COL23A1: variants seen among roughly 807,000 people sequenced by gnomAD.
COL23A1 encodes the protein collagen type XXIII alpha 1 chain.
COL23A1 carries 97 observed loss-of-function variants against 99.3 expected under a neutral mutation model. The ratio of observed to expected loss-of-function variants is 0.98; its 90% confidence interval spans 0.83 to 1.16. The LOEUF is 1.16. Among genes scored for constraint, COL23A1 ranks in the 50% most tolerant of loss-of-function variants. COL23A1 has a pLI of 0.00. For synonymous variants in COL23A1, 320 were observed against 308.2 expected, an observed-to-expected ratio of 1.04 and a Z score of -0.40; for missense variants, 762 against 757.4, an observed-to-expected ratio of 1.01 and a Z score of -0.07.
At chr5:178,328,766 A>G (rs533092826) in intron 2 of COL23A1, among the ~76,000 whole-genome samples, 20 of 152,342 alleles carry the variant, frequency 1.3e-4, no homozygotes, top group Admixed American at 6.5e-4. Context: ...CGTCAACGTT[A>G]GTTCTAGACG....
chr5:178,558,827 C>A (rs1156395955), intron 2 of COL23A1, among the ~76,000 whole-genome samples: 1 of 151,054 alleles, frequency 6.6e-6, no homozygotes, highest in East Asian at 1.9e-4. Context: ...CTCGCTCTGT[C>A]ACCCAGGCTG....
At chr5:178,471,890 T>TTCCACCC (rs1474949543) in intron 2 of COL23A1, among the ~76,000 whole-genome samples, 5 of 152,146 alleles carry the variant, frequency 3.3e-5, no homozygotes, top group African/African-American at 1.2e-4. Context: ...CCTGACTGAC[T>TTCCACCC]CCGGTGCTTC....
chr5:178,277,615 T>C (rs1756662643), intron 5 of COL23A1, among the ~76,000 whole-genome samples: 1 of 152,226 alleles, frequency 6.6e-6, no homozygotes, highest in Admixed American at 6.5e-5. Flanking sequence ...CAGGGCCCTT[T>C]CAGCTCTATG....
intron 2 of COL23A1, among the ~76,000 whole-genome samples, chr5:178,514,846 C>A (rs1333105724): frequency 2.0e-5 from 3 of 152,208 alleles, no homozygotes; most frequent in Non-Finnish European, 4.4e-5. Context: ...TCCACAAATA[C>A]AAAGCACTGG....
At chr5:178,576,714 C>A (rs1163331570) in intron 1 of COL23A1, among the ~76,000 whole-genome samples, 1 of 152,122 alleles carries the variant, frequency 6.6e-6, no homozygotes, top group Non-Finnish European at 1.5e-5. Flanking sequence ...CGGTCTCCTC[C>A]CCGGGCCCCG....
At position 178,252,604 on chromosome 5, in the gene COL23A1, G is replaced by A. The variant is rs761250200; in HGVS notation, c.961-7C>T. 3.7e-6 allele frequency: 6 copies of A among 1,608,436 alleles called. No homozygotes were observed. Among genetic ancestry groups the A allele is most frequent in the South Asian group, 3.3e-5 (3 of 89,700 alleles). ...CCTGTGGTCCGGGAGGCCCCTGTGT[G>A]TGAGAGTGAAGCCGGTCAGTGTCAT... is the stretch of plus-strand genomic sequence containing the variant. On this transcript the variant is annotated splice_polypyrimidine_tract_variant and splice_region_variant and intron_variant, in intron 16 of 28. Coordinates refer to ENST00000390654, the MANE Select transcript of COL23A1 (RefSeq NM_173465.4).
At chr5:178,416,784 C>T (rs752645921) in intron 2 of COL23A1, among the ~76,000 whole-genome samples, 21 of 152,164 alleles carry the variant, frequency 1.4e-4, no homozygotes, top group African/African-American at 4.3e-4. Flanking sequence ...AGGATGACCC[C>T]GGAATCTAGT....
intron 3 of COL23A1, among the ~76,000 whole-genome samples, chr5:178,300,244 T>C (rs753375608): frequency 5.2e-4 from 79 of 151,212 alleles, no homozygotes; most frequent in Non-Finnish European, 9.9e-4. Context: ...TAATTTTTTG[T>C]ATTTTTTTTT....
At chr5:178,556,621 C>CA (rs1762287147) in intron 2 of COL23A1, among the ~76,000 whole-genome samples, 1 of 96,856 alleles carries the variant, frequency 1.0e-5, no homozygotes, top group Admixed American at 1.1e-4. Context: ...GAAACTCTGT[C>CA]AAATTAAAAT....
chr5:178,465,516 T>A (rs10042070), intron 2 of COL23A1, among the ~76,000 whole-genome samples: 1,968 of 152,296 alleles, frequency 0.013, 42 homozygotes, highest in African/African-American at 0.045. Context: ...GCAAGCCTGC[T>A]GTGCAGCCTC....
chr5:178,488,571 G>C (rs1322778508), intron 2 of COL23A1, among the ~76,000 whole-genome samples: 1 of 151,898 alleles, frequency 6.6e-6, no homozygotes, highest in African/African-American at 2.4e-5. Flanking sequence ...TTGAAGTCTT[G>C]CACCAATTTT....
intron 2 of COL23A1, among the ~76,000 whole-genome samples, chr5:178,413,827 G>C (rs1765168583): frequency 6.6e-6 from 1 of 152,134 alleles, no homozygotes; most frequent in Admixed American, 6.5e-5. Flanking sequence ...GGGAAGTGCG[G>C]TATTGTTGTA....
intron 2 of COL23A1, among the ~76,000 whole-genome samples, chr5:178,345,841 A>T (rs1760938716): frequency 6.6e-6 from 1 of 152,070 alleles, no homozygotes; most frequent in Non-Finnish European, 1.5e-5. Flanking sequence ...AAACCATTTT[A>T]AAATGAAATT....
chr5:178,306,621 C>A lies in COL23A1; in HGVS notation c.406+254G>T, dbSNP rs1758370359. 7.5e-6 allele frequency among the ~76,000 whole-genome samples: 1 copy of A among 133,090 alleles called. No homozygotes were observed. The highest frequency in any genetic ancestry group is 8.1e-5 in the Admixed American group (1 of 12,336). The allele number at this position is 133,090 out of a possible 152,430, so 87.3% of individuals were successfully genotyped here. A position where few individuals can be genotyped will look rare whatever the true frequency, so the allele number is the denominator to read the frequency against. On this transcript the variant is annotated intron_variant, in intron 3 of 28. Transcript: ENST00000390654. This position sits in a 1 kb window ranked among gnomAD's most constrained non-coding sequence, Gnocchi z 4.1. ...TCTGGAGTGGGGGACTAGGGGCCAA[C>A]AACGAGGTTCGGGGGATGACTGGGG...
chr5:178,357,433 C>G (rs1305058980), intron 2 of COL23A1, among the ~76,000 whole-genome samples: 1 of 152,228 alleles, frequency 6.6e-6, no homozygotes, highest in African/African-American at 2.4e-5. Context: ...TCAGGCCGGG[C>G]ATGCAGGCTC....
At chr5:178,578,698 C>G (rs959892662) in intron 1 of COL23A1, among the ~76,000 whole-genome samples, 3 of 132,890 alleles carry the variant, frequency 2.3e-5, no homozygotes, top group Non-Finnish European at 4.7e-5. Context: ...GTGGCTACAT[C>G]AGGAGAATAG....
chr5:178,253,910 T>A (rs1765168273), intron 16 of COL23A1, among the ~76,000 whole-genome samples: 1 of 150,492 alleles, frequency 6.6e-6, no homozygotes, highest in Non-Finnish European at 1.5e-5. Context: ...ACGCCTATAA[T>A]CCCAGCACTT....
At chr5:178,502,034 T>C (rs906661565) in intron 2 of COL23A1, among the ~76,000 whole-genome samples, 6 of 152,196 alleles carry the variant, frequency 3.9e-5, no homozygotes, top group Non-Finnish European at 8.8e-5. Flanking sequence ...AATACAAGCA[T>C]AGAAAAGAAG....
intron 1 of COL23A1, among the ~76,000 whole-genome samples, chr5:178,568,813 T>C (rs1313675049): frequency 6.6e-6 from 1 of 152,260 alleles, no homozygotes; most frequent in African/African-American, 2.4e-5. Flanking sequence ...TACACTACCA[T>C]TTGCTCATCC....
Sources: allele counts gnomAD v4.1 joint callset (sites outside exome capture counted in the v4.1 genomes callset), GRCh38; gene constraint gnomAD v4.1.1; non-coding constraint Gnocchi (gnomAD v3.1); transcripts MANE v1.5; gene names NCBI Gene and HGNC (gene_info 2026-07-23, HGNC 2026-07-21).